CDC7: variants seen among roughly 807,000 people sequenced by gnomAD.
The protein encoded by CDC7 is cell division cycle 7.
A neutral mutation model predicts 53.5 loss-of-function variants in CDC7; 34 were observed. The observed-to-expected ratio is 0.64, with a 90% CI of 0.48 to 0.85. The LOEUF is 0.85. Among genes scored for constraint, CDC7 ranks in the 40% least tolerant of loss-of-function variants. The pLI is 0.00. For missense variants in CDC7, 594 were observed against 679.7 expected (o/e 0.87, Z 1.40); for synonymous variants, 211 against 222.8 (o/e 0.95, Z 0.47).
Position 91,520,147 on chromosome 1 carries a change from G to T in CDC7, c.1198G>T (p.Ala400Ser), listed in dbSNP as rs773524110. 5.6e-6 allele frequency: 9 copies of T among 1,596,610 alleles called. No individual in the cohort carries two copies. Among genetic ancestry groups the T allele is most frequent in the African/African-American group, 1.3e-5 (1 of 74,110 alleles). ...NQTTAIDMWSAGVIFLSLLSG... is the reference protein window; with the variant it reads ...NQTTAIDMWSSGVIFLSLLSG... ...TGTTGCAGCAATTGACATGTGGTCT[G>T]CAGGTGTCATATTTCTTTCTTTGCT... Residue 400 changes from alanine to serine, a missense_variant, in exon 11 of 12, where the codon GCA becomes TCA. Ala to Ser is a moderately conservative substitution (Grantham distance 99). Transcript: ENST00000234626.
chr1:91,511,929 T>C lies in CDC7; in HGVS notation c.572+6T>C, dbSNP rs1667309597. 1.3e-6 allele frequency: 2 copies of C among 1,560,470 alleles called. No homozygotes were observed. Among genetic ancestry groups the C allele is most frequent in the African/African-American group, 1.4e-5 (1 of 73,290 alleles). ...TATAATAGGCGCCTGAAAAAGTAAGTATGAAGAGTTACTAGAAAATATTTA... is the reference window on the plus strand; with the variant it reads ...TATAATAGGCGCCTGAAAAAGTAAGCATGAAGAGTTACTAGAAAATATTTA... On this transcript the variant is annotated splice_donor_region_variant and intron_variant, in intron 6 of 11. Transcript: ENST00000234626.
intron 10 of CDC7, among the ~76,000 whole-genome samples, chr1:91,516,627 A>AG (rs1316363673): frequency 6.6e-6 from 1 of 152,220 alleles, no homozygotes; most frequent in Non-Finnish European, 1.5e-5. Context: ...AGGGTATTTA[A>AG]GGAGTATCTA....
intron 4 of CDC7, among the ~76,000 whole-genome samples, chr1:91,508,675 G>T (rs1357555437): frequency 8.6e-5 from 13 of 151,898 alleles, no homozygotes; most frequent in Admixed American, 8.5e-4. Flanking sequence ...GGCTTTCATG[G>T]TTTACATTAT....
intron 4 of CDC7, among the ~76,000 whole-genome samples, chr1:91,510,003 C>T (rs953743478): frequency 1.4e-4 from 22 of 152,082 alleles, no homozygotes; most frequent in African/African-American, 5.3e-4. Context: ...TTGCTTGAGG[C>T]CAGGAGTTTG....
chr1:91,507,150 GC>G (rs1395062946), intron 2 of CDC7, among the ~76,000 whole-genome samples: 25 of 152,226 alleles, frequency 1.6e-4, no homozygotes, highest in African/African-American at 5.3e-4. Flanking sequence ...TTAAACTTAT[GC>G]TATATAGGGC....
rs1357970481 is a variant in CDC7, at chr1:91,520,294, A to G, written c.1330+15A>G. 6.5e-7 allele frequency: 1 copy of G among 1,535,014 alleles called. No individual in the cohort carries two copies. The highest frequency in any genetic ancestry group is 1.4e-5 in the African/African-American group (1 of 71,462). ...TAAAACTTTTGGTAAGCAGTTTTGTATTATAGAACCAAACAAAATGCCTTT... is the reference window on the plus strand; with the variant it reads ...TAAAACTTTTGGTAAGCAGTTTTGTGTTATAGAACCAAACAAAATGCCTTT... On this transcript the variant is annotated intron_variant, in intron 11 of 11. Coordinates refer to ENST00000234626, the MANE Select transcript of CDC7 (RefSeq NM_003503.4).
intron 9 of CDC7, 38 bp downstream of exon 9, chr1:91,515,035 G>A: frequency 1.9e-6 from 3 of 1,560,172 alleles, no homozygotes; most frequent in Non-Finnish European, 2.6e-6. Flanking sequence ...TCACCAGCAT[G>A]CTGCCATTAG....
intron 2 of CDC7, among the ~76,000 whole-genome samples, chr1:91,507,619 C>T (rs940371802): frequency 6.6e-6 from 1 of 151,910 alleles, no homozygotes; most frequent in Non-Finnish European, 1.5e-5. Context: ...TATATAATTC[C>T]AGTATAGTAG....
intron 2 of CDC7, among the ~76,000 whole-genome samples, chr1:91,507,136 T>C (rs541043706): frequency 6.6e-6 from 1 of 152,078 alleles, no homozygotes; most frequent in African/African-American, 2.4e-5. Flanking sequence ...GCTTTGAAAA[T>C]GTCTTAAACT....
chr1:91,520,148 C>T lies in CDC7; in HGVS notation c.1199C>T (p.Ala400Val), dbSNP rs747536787. Residue 400 changes from alanine to valine, a missense_variant, in exon 11 of 12, where the codon GCA becomes GTA. Transcript: ENST00000234626. ...NQTTAIDMWS[A>V]GVIFLSLLSG... ...GTTGCAGCAATTGACATGTGGTCTG[C>T]AGGTGTCATATTTCTTTCTTTGCTT... is the stretch of plus-strand genomic sequence containing the variant. 1.9e-6 allele frequency: 3 copies of T among 1,595,286 alleles called. No individual in the cohort carries two copies. Among genetic ancestry groups the T allele is most frequent in the Admixed American group, 1.8e-5 (1 of 56,790 alleles).
At chr1:91,515,987 T>C in intron 10 of CDC7, 111 bp downstream of exon 10, 1 of 878,734 alleles carries the variant, frequency 1.1e-6, no homozygotes, top group South Asian at 1.6e-5. Context: ...CTGCTTTTAA[T>C]TATGTAAGCA....
chr1:91,508,254 T>C lies in CDC7; in HGVS notation c.200-8T>C, dbSNP rs904492005. The C allele has an allele frequency of 1.3e-6, 2 of 1,577,980 alleles. No homozygotes were observed. The highest frequency in any genetic ancestry group is 1.7e-6 in the Non-Finnish European group (2 of 1,166,814). On this transcript the variant is annotated splice_region_variant and splice_polypyrimidine_tract_variant and intron_variant, in intron 3 of 11. Transcript: ENST00000234626. Reference sequence around the variant, plus strand: ...AGATATTGAAAAATTTAATAAATTGTTTTACAGGCACTTTCAGCTCTGTTT... The same window carrying C: ...AGATATTGAAAAATTTAATAAATTGCTTTACAGGCACTTTCAGCTCTGTTT...
At chr1:91,502,948 T>G (rs1370354484) in intron 2 of CDC7, among the ~76,000 whole-genome samples, 2 of 152,192 alleles carry the variant, frequency 1.3e-5, no homozygotes, top group Non-Finnish European at 2.9e-5. Context: ...TTAGTTCATC[T>G]TTCCCTTACT....
chr1:91,510,285 AT>A (rs889414493), intron 4 of CDC7, among the ~76,000 whole-genome samples: 368 of 149,834 alleles, frequency 2.5e-3, no homozygotes, highest in African/African-American at 8.6e-3. Context: ...AGATTCTCCT[AT>A]TTTTTTTTAT....
chr1:91,506,678 G>A lies in CDC7; in HGVS notation c.116-1176G>A, dbSNP rs13447480. 3.2e-3 allele frequency among the ~76,000 whole-genome samples: 486 copies of A among 152,168 alleles called. 4 individuals carry two copies. In the East Asian group the frequency reaches 0.054, roughly 17 times the overall value. ...AAATGAATTAGTTCTAGCCAGGTGCGGCGGCTCACACCTGTAATCCCAGCA... is the reference window on the plus strand; with the variant it reads ...AAATGAATTAGTTCTAGCCAGGTGCAGCGGCTCACACCTGTAATCCCAGCA... On this transcript the variant is annotated intron_variant, in intron 2 of 11. Coordinates refer to ENST00000234626, the MANE Select transcript of CDC7 (RefSeq NM_003503.4).
chr1:91,521,550 A>G (rs1471247895), intron 11 of CDC7, among the ~76,000 whole-genome samples: 1 of 152,220 alleles, frequency 6.6e-6, no homozygotes, highest in African/African-American at 2.4e-5. Flanking sequence ...ATACAAGGGA[A>G]AAAAAGTGAC....
Position 91,524,200 on chromosome 1 carries a change from C to T in CDC7, c.1490C>T (p.Ala497Val). The T allele has an allele frequency of 6.2e-7, 1 of 1,614,030 alleles. No individual in the cohort carries two copies. Among genetic ancestry groups the T allele is most frequent in the African/African-American group, 1.3e-5 (1 of 75,042 alleles). The change falls in exon 12 of 12, where the codon GCT (alanine) becomes GTT (valine). Residue 497 changes from alanine (A) to valine (V), a missense_variant. Coordinates refer to ENST00000234626, the MANE Select transcript of CDC7 (RefSeq NM_003503.4). ...ATTTCAGAGAAGACTGACCATAAAG[C>T]TTCTTGCCTCGTTCAAACACCTCCA... ...PAISEKTDHK[A>V]SCLVQTPPGQ... is the part of the protein sequence containing the mutation.
chr1:91,501,532 A>C, intron 1 of CDC7, 122 bp from the exon 2 acceptor site: 1 of 610,972 alleles, frequency 1.6e-6, no homozygotes. Context: ...AGTATGCCCT[A>C]CTGTGGAGGT....
intron 10 of CDC7, 60 bp from the exon 11 acceptor site, chr1:91,520,070 G>C: frequency 7.4e-7 from 1 of 1,349,124 alleles, no homozygotes; most frequent in Non-Finnish European, 1.0e-6. Flanking sequence ...GAGGACTATT[G>C]ATTTAGATGA....
Sources: gnomAD v4.1 joint callset for allele counts (sites outside exome capture counted in the v4.1 genomes callset) on GRCh38, gnomAD v4.1.1 for gene constraint, MANE v1.5 for transcripts, NCBI Gene and HGNC (gene_info 2026-07-23, HGNC 2026-07-21) for gene names.